Variants in MOB3B observed in about 807,000 individuals in gnomAD.
MOB3B encodes MOB kinase activator-like 2B.
MOB3B carries 7 observed loss-of-function variants against 18.7 expected under a neutral mutation model. That is an observed-to-expected ratio of 0.37 (90% CI 0.21 to 0.70). MOB3B has a LOEUF of 0.70. Ranked by LOEUF, MOB3B falls within the 30% of genes least tolerant of loss-of-function variation. The pLI is 0.52. For missense variants in MOB3B, 253 were observed against 281.3 expected (o/e 0.90, Z 0.72); for synonymous variants, 111 against 99.9 (o/e 1.11, Z -0.66).
chr9:27,440,555 G>A (rs1822578196), intron 2 of MOB3B, among the ~76,000 whole-genome samples: 1 of 152,066 alleles, frequency 6.6e-6, no homozygotes, highest in Admixed American at 6.5e-5. Flanking sequence ...AAATTTGCAA[G>A]GTGAATAACT....
intron 2 of MOB3B, among the ~76,000 whole-genome samples, chr9:27,366,831 G>A (rs578092269): frequency 5.1e-4 from 78 of 152,326 alleles, no homozygotes; most frequent in African/African-American, 1.7e-3. Context: ...CTGGCAGATA[G>A]GCCCCTTTAT....
intron 3 of MOB3B, among the ~76,000 whole-genome samples, chr9:27,358,475 C>T (rs1365996217): frequency 6.6e-6 from 1 of 152,166 alleles, no homozygotes; most frequent in Non-Finnish European, 1.5e-5. Flanking sequence ...TCTAATATAT[C>T]CCATTGAAGC....
chr9:27,404,331 CTTTCCTTCTTTCTTT>C (rs1821933409), intron 2 of MOB3B, among the ~76,000 whole-genome samples: 1 of 112,048 alleles, frequency 8.9e-6, no homozygotes, highest in Non-Finnish European at 2.0e-5. Flanking sequence ...TTCTTTCTTT[CTTTCCTTCTTTCTTT>C]CTTTTTTTTT....
intron 2 of MOB3B, among the ~76,000 whole-genome samples, chr9:27,411,617 T>C (rs528709401): frequency 2.6e-5 from 4 of 152,246 alleles, no homozygotes; most frequent in Admixed American, 6.5e-5. Flanking sequence ...ACAGAAGAAG[T>C]CTTGCTCACA....
intron 3 of MOB3B, among the ~76,000 whole-genome samples, chr9:27,337,652 C>T (rs555317313): frequency 6.6e-6 from 1 of 152,334 alleles, no homozygotes; most frequent in Admixed American, 6.5e-5. Flanking sequence ...AATGAGCTGG[C>T]ATCAGCAAGG....
chr9:27,412,991 G>T (rs1309406190), intron 2 of MOB3B, among the ~76,000 whole-genome samples: 1 of 152,194 alleles, frequency 6.6e-6, no homozygotes, highest in Admixed American at 6.5e-5. Flanking sequence ...ACCCTTTAAA[G>T]AATTTGCTTT....
At chr9:27,428,756 A>T (rs1386432943) in intron 2 of MOB3B, among the ~76,000 whole-genome samples, 1 of 152,214 alleles carries the variant, frequency 6.6e-6, no homozygotes, top group Non-Finnish European at 1.5e-5. Context: ...GTGCTCTAAG[A>T]TTAGCACAAA....
chr9:27,449,120 G>C (rs1822742806), intron 2 of MOB3B, among the ~76,000 whole-genome samples: 1 of 152,200 alleles, frequency 6.6e-6, no homozygotes, highest in South Asian at 2.1e-4. Flanking sequence ...ATGCTCATCT[G>C]TGAAGCCAGG....
At chr9:27,360,187 G>T (rs569303459) in intron 2 of MOB3B, among the ~76,000 whole-genome samples, 64 of 152,252 alleles carry the variant, frequency 4.2e-4, no homozygotes, top group African/African-American at 1.5e-3. Context: ...TTCTCTACAA[G>T]GTAAGGTCTG....
At chr9:27,335,275 A>G (rs1587137864) in intron 3 of MOB3B, among the ~76,000 whole-genome samples, 1 of 152,222 alleles carries the variant, frequency 6.6e-6, no homozygotes, top group South Asian at 2.1e-4. Flanking sequence ...TATAGCTGGG[A>G]GGAAACATGG....
intron 3 of MOB3B, among the ~76,000 whole-genome samples, chr9:27,331,201 G>A (rs988944107): frequency 6.6e-6 from 1 of 152,150 alleles, no homozygotes; most frequent in African/African-American, 2.4e-5. Context: ...GCTCTTGTGG[G>A]TATTTATAGA....
intron 2 of MOB3B, among the ~76,000 whole-genome samples, chr9:27,381,900 C>T (rs1279719697): frequency 1.3e-5 from 2 of 152,124 alleles, no homozygotes; most frequent in Admixed American, 6.5e-5. Flanking sequence ...CCAGCCTTGG[C>T]ATCTCAAAGC....
intron 2 of MOB3B, among the ~76,000 whole-genome samples, chr9:27,369,442 C>T (rs1039048857): frequency 6.6e-6 from 1 of 152,234 alleles, no homozygotes; most frequent in Admixed American, 6.5e-5. Flanking sequence ...TCCCTTGTAA[C>T]TAAGCTTCCT....
At chr9:27,515,275 T>G (rs1249412927) in intron 1 of MOB3B, among the ~76,000 whole-genome samples, 1 of 152,220 alleles carries the variant, frequency 6.6e-6, no homozygotes, top group East Asian at 1.9e-4. Flanking sequence ...TGGTTTCAAA[T>G]TATTTTGAGA....
chr9:27,417,208 C>T (rs1176968322), intron 2 of MOB3B, among the ~76,000 whole-genome samples: 1 of 151,942 alleles, frequency 6.6e-6, no homozygotes, highest in Non-Finnish European at 1.5e-5. Context: ...CTAAAAAATA[C>T]AAAAAATTAG....
chr9:27,481,457 T>C (rs1819648116), intron 1 of MOB3B, among the ~76,000 whole-genome samples: 1 of 146,316 alleles, frequency 6.8e-6, no homozygotes, highest in South Asian at 2.2e-4. Flanking sequence ...TGGTGGCGCC[T>C]GGGGTAAACT....
At chr9:27,444,286 GGGAAGGAAGGAA>G (rs1328346530) in intron 2 of MOB3B, among the ~76,000 whole-genome samples, 2 of 100,394 alleles carry the variant, frequency 2.0e-5, no homozygotes, top group South Asian at 7.8e-4. Context: ...GAGGGAGGGA[GGGAAGGAAGGAA>G]GGAAGAAAGG....
intron 2 of MOB3B, chr9:27,378,181 A>T: frequency 2.8e-6 from 1 of 353,580 alleles, no homozygotes; most frequent in Non-Finnish European, 5.6e-6. Context: ...GTCAGAAATC[A>T]GATCTCAAAA....
intron 1 of MOB3B, among the ~76,000 whole-genome samples, chr9:27,485,224 A>G (rs187323073): frequency 8.8e-4 from 134 of 152,354 alleles, no homozygotes; most frequent in Admixed American, 2.0e-3. Context: ...TACTGTTATT[A>G]TTCCTATCTT....
Sources: allele counts gnomAD v4.1 joint callset (sites outside exome capture counted in the v4.1 genomes callset), GRCh38; gene constraint gnomAD v4.1.1; transcripts MANE v1.5; gene names NCBI Gene and HGNC (gene_info 2026-07-23, HGNC 2026-07-21).